Variants in ROBO1 observed in about 807,000 individuals in gnomAD.
The protein encoded by ROBO1 is roundabout homolog 1.
ROBO1 carries 149 observed loss-of-function variants against 195.9 expected under a neutral mutation model. The observed-to-expected ratio is 0.76, with a 90% CI of 0.67 to 0.87. The LOEUF (loss-of-function observed/expected upper bound fraction) is 0.87. Among genes scored for constraint, ROBO1 ranks in the 40% least tolerant of loss-of-function variants. ROBO1 has a pLI of 0.00. For missense variants in ROBO1, 1,933 were observed against 2,068.3 expected (o/e 0.93, Z 1.27); for synonymous variants, 816 against 733.2 (o/e 1.11, Z -1.82).
At chr3:79,174,376 C>G (rs1380945437) in intron 2 of ROBO1, among the ~76,000 whole-genome samples, 1 of 151,920 alleles carries the variant, frequency 6.6e-6, no homozygotes, top group Admixed American at 6.6e-5. Context: ...AGCGAAACCA[C>G]GAACCCACCA....
intron 3 of ROBO1, among the ~76,000 whole-genome samples, chr3:79,124,266 G>A (rs1354748156): frequency 3.3e-5 from 5 of 151,946 alleles, no homozygotes; most frequent in Admixed American, 2.0e-4. Context: ...TGGAAGACAG[G>A]AAAAATGCAA....
chr3:78,912,640 T>C (rs2038315325), intron 4 of ROBO1, among the ~76,000 whole-genome samples: 1 of 152,156 alleles, frequency 6.6e-6, no homozygotes, highest in Non-Finnish European at 1.5e-5. Context: ...CTATAGTATT[T>C]GTGATAATAT....
chr3:78,797,028 A>G (rs2084205361), intron 4 of ROBO1, among the ~76,000 whole-genome samples: 2 of 152,154 alleles, frequency 1.3e-5, no homozygotes, highest in Non-Finnish European at 2.9e-5. Context: ...TCTTTTGCTT[A>G]GCTAGCTCCT....
At chr3:79,114,405 G>T (rs57938620) in intron 3 of ROBO1, among the ~76,000 whole-genome samples, 1 of 152,118 alleles carries the variant, frequency 6.6e-6, no homozygotes, top group African/African-American at 2.4e-5. Context: ...TTTTGCTTTC[G>T]CTTTGCAGAT....
At chr3:78,693,278 G>C in intron 8 of ROBO1, 9 of 1,544,296 alleles carry the variant, frequency 5.8e-6, no homozygotes, top group Non-Finnish European at 7.9e-6. Context: ...GGTATGGATG[G>C]AAAGGGGAAG....
At chr3:78,844,035 T>C (rs2033476517) in intron 4 of ROBO1, among the ~76,000 whole-genome samples, 1 of 152,136 alleles carries the variant, frequency 6.6e-6, no homozygotes, top group African/African-American at 2.4e-5. Context: ...AATCACTTTA[T>C]GCCAATACAG....
chr3:79,399,966 C>CGCTCACACTAGACTCTTTTTAA (rs2037303296), intron 2 of ROBO1, among the ~76,000 whole-genome samples: 2 of 152,080 alleles, frequency 1.3e-5, no homozygotes, highest in African/African-American at 4.8e-5. Context: ...CCTTGTGTAG[C>CGCTCACACTAGACTCTTTTTAA]AAAAGAGAAC....
intron 2 of ROBO1, among the ~76,000 whole-genome samples, chr3:79,426,218 G>A (rs1435913751): frequency 6.6e-6 from 1 of 152,018 alleles, no homozygotes; most frequent in African/African-American, 2.4e-5. Context: ...TATGAGAGGA[G>A]AAAAGATTCA....
intron 4 of ROBO1, among the ~76,000 whole-genome samples, chr3:78,885,607 G>A (rs2036513231): frequency 6.6e-6 from 1 of 151,070 alleles, no homozygotes; most frequent in South Asian, 2.1e-4. Context: ...TTATGTGCCA[G>A]GGAATATTCT....
chr3:79,229,382 A>G (rs1011520706), intron 2 of ROBO1, among the ~76,000 whole-genome samples: 1 of 152,288 alleles, frequency 6.6e-6, no homozygotes, highest in Admixed American at 6.5e-5. Flanking sequence ...AGGAAAAAAA[A>G]TCACTTGGAT....
Position 79,615,375 on chromosome 3 carries a change from C to A in ROBO1, c.-50-25414G>T, listed in dbSNP as rs80067820. 2.6e-5 allele frequency among the ~76,000 whole-genome samples: 4 copies of A among 152,248 alleles called. No individual in the cohort carries two copies. The East Asian group carries it at 7.7e-4, about 29-fold the overall frequency. On this transcript the variant is annotated intron_variant, in intron 1 of 30. Coordinates refer to ENST00000464233, the MANE Select transcript of ROBO1 (RefSeq NM_002941.4). ...TCCATATTTCCAGACTGAACCAATG[C>A]ACAACGTACATGTATTGATTGATGT...
At chr3:78,821,639 G>T (rs1413760448) in intron 4 of ROBO1, among the ~76,000 whole-genome samples, 2 of 152,170 alleles carry the variant, frequency 1.3e-5, no homozygotes, top group African/African-American at 4.8e-5. Context: ...ATTGTCAACA[G>T]ATTGATAATA....
intron 2 of ROBO1, among the ~76,000 whole-genome samples, chr3:79,258,314 T>G (rs556369688): frequency 6.6e-6 from 1 of 152,300 alleles, no homozygotes; most frequent in African/African-American, 2.4e-5. Flanking sequence ...TGAAATATGT[T>G]CTAATTCATA....
intron 1 of ROBO1, among the ~76,000 whole-genome samples, chr3:79,638,018 G>A (rs1453117824): frequency 6.6e-6 from 1 of 152,072 alleles, no homozygotes; most frequent in Non-Finnish European, 1.5e-5. Context: ...ATTACCCTTA[G>A]TTGAACAGAA....
intron 3 of ROBO1, among the ~76,000 whole-genome samples, chr3:79,009,057 C>T (rs1374686453): frequency 6.6e-6 from 1 of 151,078 alleles, no homozygotes; most frequent in East Asian, 1.9e-4. Context: ...TCTCCTGCCT[C>T]GGCCTCCGGA....
intron 3 of ROBO1, among the ~76,000 whole-genome samples, chr3:79,102,466 T>G (rs544757477): frequency 5.3e-5 from 8 of 151,680 alleles, no homozygotes; most frequent in Non-Finnish European, 1.2e-4. Context: ...ATAAAACACA[T>G]AGATGAGGCC....
intron 1 of ROBO1, among the ~76,000 whole-genome samples, chr3:79,684,148 C>T (rs1230040304): frequency 6.6e-6 from 1 of 152,090 alleles, no homozygotes; most frequent in South Asian, 2.1e-4. Flanking sequence ...CAAACTTATG[C>T]ACTTTAAGCT....
In ROBO1 at chr3:78,937,650, A is replaced by T. The variant is rs188866523; in HGVS notation, c.499+951T>A. ...TCTAGCCTATAGATACAACAGTTTA[A>T]TGGTTAGTCAATAAATCCTTCTTGA... On this transcript the variant is annotated intron_variant, in intron 4 of 30. Transcript: ENST00000464233. Among the ~76,000 whole-genome samples the T allele has an allele frequency of 3.7e-3, 570 of 152,256 alleles. 5 individuals are homozygous for T. Among genetic ancestry groups the T allele is most frequent in the Middle Eastern group, 6.8e-3 (2 of 294 alleles).
chr3:79,142,097 C>T (rs546728839), intron 2 of ROBO1, among the ~76,000 whole-genome samples: 109 of 151,664 alleles, frequency 7.2e-4, no homozygotes, highest in African/African-American at 2.4e-3. Flanking sequence ...TGGAAATTGG[C>T]GAAACTTAAG....
Sources: gnomAD v4.1 joint callset for allele counts (sites outside exome capture counted in the v4.1 genomes callset) on GRCh38, gnomAD v4.1.1 for gene constraint, MANE v1.5 for transcripts, NCBI Gene and HGNC (gene_info 2026-07-23, HGNC 2026-07-21) for gene names.